Variants in ZNF730 observed in about 807,000 individuals in gnomAD.
The protein encoded by ZNF730 is putative zinc finger protein 730.
In ZNF730, 12 loss-of-function variants were observed where a neutral mutation model predicts 12.6. The ratio of observed to expected loss-of-function variants is 0.95; its 90% CI spans 0.61 to 1.54. The LOEUF is 1.54. ZNF730 is among the 40% of genes most tolerant of loss of function. ZNF730 has a pLI of 0.00. For missense variants in ZNF730, 643 were observed against 583.5 expected (o/e 1.10, Z -1.05); for synonymous variants, 194 against 195.8 (o/e 0.99, Z 0.08).
chr19:23,119,933 C>A (rs562994908), intron 1 of ZNF730, among the ~76,000 whole-genome samples: 22 of 149,866 alleles, frequency 1.5e-4, no homozygotes, highest in African/African-American at 5.1e-4. Context: ...ACTTGTTTTT[C>A]TTTGTACATT....
At chr19:23,091,041 C>T (rs548955891) in intron 1 of ZNF730, among the ~76,000 whole-genome samples, 21 of 152,018 alleles carry the variant, frequency 1.4e-4, no homozygotes, top group East Asian at 3.9e-4. Context: ...TTTTGTGGCC[C>T]GGGGCCCAGG....
At chr19:23,104,844 AAAT>A (rs1970374184) in intron 1 of ZNF730, among the ~76,000 whole-genome samples, 1 of 152,150 alleles carries the variant, frequency 6.6e-6, no homozygotes, top group African/African-American at 2.4e-5. Context: ...GGTCAGTGAA[AAAT>A]ATCACTTTTT....
At chr19:23,082,712 T>G (rs1298105231) in intron 1 of ZNF730, among the ~76,000 whole-genome samples, 2 of 152,114 alleles carry the variant, frequency 1.3e-5, no homozygotes, top group Non-Finnish European at 2.9e-5. Flanking sequence ...TTTTTCATTT[T>G]TTTTTTGAGA....
chr19:23,129,911 G>A (rs1023949787), intron 1 of ZNF730, among the ~76,000 whole-genome samples: 18 of 150,748 alleles, frequency 1.2e-4, no homozygotes, highest in African/African-American at 3.2e-4. Context: ...GGAGAATGGC[G>A]TGAACCCGGA....
At chr19:23,079,885 A>C (rs1054345662) in intron 1 of ZNF730, among the ~76,000 whole-genome samples, 1 of 152,100 alleles carries the variant, frequency 6.6e-6, no homozygotes, top group African/African-American at 2.4e-5. Flanking sequence ...ATTTTATTTT[A>C]CTTGACATAG....
At chr19:23,102,326 G>T (rs551496133) in intron 1 of ZNF730, among the ~76,000 whole-genome samples, 1 of 152,190 alleles carries the variant, frequency 6.6e-6, no homozygotes, top group East Asian at 1.9e-4. Context: ...GTATTCAGGT[G>T]ATGTGACACT....
At chr19:23,116,008 T>G (rs1311126728), upstream of ZNF730, among the ~76,000 whole-genome samples, 1 of 152,228 alleles carries the variant, frequency 6.6e-6, no homozygotes, top group Non-Finnish European at 1.5e-5. Flanking sequence ...TAAGATAATG[T>G]TGAGTAACGC....
upstream of ZNF730, among the ~76,000 whole-genome samples, chr19:23,113,528 T>C (rs10407421): frequency 0.3 from 45,643 of 152,058 alleles, 7,702 homozygotes; most frequent in African/African-American, 0.46. Flanking sequence ...TTGGTTACAC[T>C]GTGCACTGTT....
At chr19:23,083,470 T>C (rs193280437) in intron 1 of ZNF730, among the ~76,000 whole-genome samples, 17 of 152,268 alleles carry the variant, frequency 1.1e-4, no homozygotes, top group Admixed American at 1.0e-3. Context: ...TACTGGGTCA[T>C]ATAGTAGCTC....
At chr19:23,093,764 T>C (rs1454832745) in intron 1 of ZNF730, among the ~76,000 whole-genome samples, 1 of 152,200 alleles carries the variant, frequency 6.6e-6, no homozygotes, top group Non-Finnish European at 1.5e-5. Flanking sequence ...CCCTTCCTCC[T>C]CTTTCCACCA....
At chr19:23,081,929 T>C (rs1417747896) in intron 1 of ZNF730, among the ~76,000 whole-genome samples, 1 of 152,136 alleles carries the variant, frequency 6.6e-6, no homozygotes, top group Non-Finnish European at 1.5e-5. Flanking sequence ...ATTTATTTTT[T>C]GTAGAGATGA....
At chr19:23,092,585 T>C (rs190715902) in intron 1 of ZNF730, among the ~76,000 whole-genome samples, 215 of 152,004 alleles carry the variant, frequency 1.4e-3, no homozygotes, top group African/African-American at 5.0e-3. Context: ...AAACTCCATC[T>C]CAAAAAAATA....
chr19:23,086,606 A>C (rs1171187422), intron 1 of ZNF730, among the ~76,000 whole-genome samples: 1 of 152,144 alleles, frequency 6.6e-6, no homozygotes, highest in African/African-American at 2.4e-5. Flanking sequence ...GTAGGTGTGC[A>C]GCTTAATTTC....
intron 1 of ZNF730, among the ~76,000 whole-genome samples, chr19:23,108,611 G>T (rs1053085835): frequency 2.0e-5 from 3 of 152,146 alleles, no homozygotes; most frequent in African/African-American, 7.2e-5. Context: ...GTAAGAGATT[G>T]TTTCAGGTAC....
At chr19:23,105,262 G>T (rs1213252034) in intron 1 of ZNF730, among the ~76,000 whole-genome samples, 1 of 151,742 alleles carries the variant, frequency 6.6e-6, no homozygotes, top group Non-Finnish European at 1.5e-5. Context: ...GATTACAGGT[G>T]CCCGCCACCA....
chr19:23,145,117 A>C (rs1002564472), intron 3 of ZNF730, among the ~76,000 whole-genome samples, 154 bp from the exon 4 acceptor site: 12 of 152,038 alleles, frequency 7.9e-5, no homozygotes, highest in Non-Finnish European at 1.5e-4. Context: ...TGTACTTTGG[A>C]TTTTTGTTAC....
chr19:23,126,577 CT>C (rs1333614681), intron 1 of ZNF730: 1 of 437,324 alleles, frequency 2.3e-6, no homozygotes, highest in African/African-American at 2.1e-5. Flanking sequence ...GCTTATGTGT[CT>C]CCGTTTAGCA....
chr19:23,145,785 GA>G lies in ZNF730; in HGVS notation c.742del (p.Arg248GlufsTer113). On this transcript the variant is annotated frameshift_variant, in exon 4 of 4. Coordinates refer to ENST00000597761, the MANE Select transcript of ZNF730 (RefSeq NM_001277403.2). LOFTEE classifies it low-confidence loss of function (END_TRUNC). ...NWFSHFTTHK[R>X]IHTGEKPYQC... The stretch of plus-strand genomic sequence containing the variant: ...GGTTTTCACATTTTACTACACATAA[GA>G]GAATTCATACTGGAGAAAAACCCTA... 1 of 1,581,834 alleles carries G rather than the reference GA, an allele frequency of 6.3e-7. No homozygotes were observed. The highest frequency in any genetic ancestry group is 1.8e-5 in the Admixed American group (1 of 54,488).
At chr19:23,127,219 T>G in intron 1 of ZNF730, 1 of 614,114 alleles carries the variant, frequency 1.6e-6, no homozygotes. Context: ...ATCTGCTGAT[T>G]TAACCATGTT....
Sources: gnomAD v4.1 joint callset for allele counts (sites outside exome capture counted in the v4.1 genomes callset) on GRCh38, gnomAD v4.1.1 for gene constraint, MANE v1.5 for transcripts, NCBI Gene and HGNC (gene_info 2026-07-23, HGNC 2026-07-21) for gene names.